The following NAV1 variants were observed in gnomAD, a reference collection of about 807,000 sequenced individuals.
NAV1 encodes pore membrane and/or filament interacting like protein 3.
Under a neutral mutation model 175.2 loss-of-function variants are expected in NAV1, and 18 were observed. The ratio of observed to expected loss-of-function variants is 0.10; its 90% CI spans 0.07 to 0.15. The LOEUF is 0.15. Among genes scored for constraint, NAV1 ranks in the 10% least tolerant of loss-of-function variants. The pLI is 1.00. For missense variants in NAV1, 1,731 were observed against 2,436.6 expected, an observed-to-expected ratio of 0.71 and a Z score of 6.10; for synonymous variants, 897 against 978.7, an observed-to-expected ratio of 0.92 and a Z score of 1.56.
chr1:201,648,491 CT>C (rs1669059258), exon 1 of NAV1: 1 of 1,234,128 alleles, frequency 8.1e-7, no homozygotes, highest in East Asian at 3.2e-5. Context: ...GCGCCCTCGG[CT>C]TGCCTCTCTC....
chr1:201,648,963 G>A (rs1357771974), exon 1 of NAV1: 3 of 1,613,188 alleles, frequency 1.9e-6, no homozygotes, highest in Non-Finnish European at 2.5e-6. Flanking sequence ...TTTTCTCACG[G>A]ACTCCGAGAA....
intron 3 of NAV1, chr1:201,723,743 G>A (rs239967): frequency 0.4 from 61,572 of 152,046 alleles, 13,353 homozygotes; most frequent in Middle Eastern, 0.53. Context: ...TCCTTGGCTT[G>A]CATAGGCACA....
intron 1 of NAV1, among the ~76,000 whole-genome samples, chr1:201,672,552 T>C (rs1306331807): frequency 6.6e-6 from 1 of 152,198 alleles, no homozygotes; most frequent in Non-Finnish European, 1.5e-5. Context: ...GAGGTAGATG[T>C]TATTGTGATC....
intron 3 of NAV1, among the ~76,000 whole-genome samples, chr1:201,725,142 C>T (rs1197530414): frequency 6.6e-6 from 1 of 152,208 alleles, no homozygotes; most frequent in Admixed American, 6.5e-5. Context: ...CCCAGCCACC[C>T]TCATCGATAA....
chr1:201,558,333 G>A lies in NAV1; in HGVS notation c.-144+18991G>A, dbSNP rs150429145. Among the ~76,000 whole-genome samples, 530 of 152,324 alleles carry A rather than the reference G, an allele frequency of 3.5e-3. 1 individual carries two copies. The highest frequency in any genetic ancestry group is 0.011 in the African/African-American group (466 of 41,566). On this transcript the variant is annotated intron_variant, in intron 1 of 33. Transcript: ENST00000685211. ...GAAGAGTAGGCAGTGATTTTTCGGG[G>A]AAATGAATGAGCCCAGTGCTCAGAT...
intron 1 of NAV1, among the ~76,000 whole-genome samples, chr1:201,578,055 A>AT (rs531546902): frequency 1.3e-5 from 2 of 151,922 alleles, no homozygotes; most frequent in Non-Finnish European, 2.9e-5. Flanking sequence ...GTTTTCAACT[A>AT]TTTTTTCTTG....
chr1:201,685,096 A>G (rs1455091259), intron 1 of NAV1, among the ~76,000 whole-genome samples: 1 of 151,628 alleles, frequency 6.6e-6, no homozygotes, highest in Non-Finnish European at 1.5e-5. Context: ...ACATGGTGAA[A>G]CTCCATATCT....
chr1:201,703,080 C>A (rs565792714), intron 1 of NAV1, among the ~76,000 whole-genome samples: 1 of 152,350 alleles, frequency 6.6e-6, no homozygotes, highest in South Asian at 2.1e-4. Context: ...TCCCCACTCC[C>A]GTCCCCATTT....
chr1:201,812,803 C>G lies in NAV1; in HGVS notation c.5221+142C>G. The G allele has an allele frequency of 1.4e-6, 1 of 712,230 alleles. No homozygotes were observed. Among genetic ancestry groups the G allele is most frequent in the Non-Finnish European group, 2.3e-6 (1 of 428,498 alleles). The allele number at this position is 712,230 out of a possible 1,614,324, so 44.1% of individuals were successfully genotyped here. The stretch of plus-strand genomic sequence containing the variant: ...CCTTGTGGCTTCAGACTTAGAACCA[C>G]TTAACGAGCCTTCCCAACACAGTTA... On this transcript the variant is annotated intron_variant, in intron 27 of 29. Coordinates refer to ENST00000367296, the Ensembl canonical transcript of NAV1. This position sits in a 1 kb window ranked among gnomAD's most constrained non-coding sequence, Gnocchi z 4.6.
chr1:201,647,119 T>G (rs1189532686), upstream of NAV1, among the ~76,000 whole-genome samples: 1 of 152,212 alleles, frequency 6.6e-6, no homozygotes, highest in African/African-American at 2.4e-5. Context: ...CAAGCTTTGC[T>G]TTCAGAGAAT....
chr1:201,577,799 C>A (rs1666736180), intron 1 of NAV1, among the ~76,000 whole-genome samples: 1 of 152,058 alleles, frequency 6.6e-6, no homozygotes, highest in Non-Finnish European at 1.5e-5. Context: ...TTTATTTTCC[C>A]CCCAGCACTT....
At chr1:201,789,746 G>A (rs1676986605) in exon 11 of NAV1, 1 of 1,614,062 alleles carries the variant, frequency 6.2e-7, no homozygotes, top group Non-Finnish European at 8.5e-7. Flanking sequence ...TCAGTTCACG[G>A]CTCAGTGCTG....
intron 2 of NAV1, among the ~76,000 whole-genome samples, chr1:201,637,326 A>G (rs1321717887): frequency 6.6e-6 from 1 of 152,228 alleles, no homozygotes; most frequent in Admixed American, 6.5e-5. Context: ...CTCTTTAAGA[A>G]TTTGACTGAT....
intron 3 of NAV1, among the ~76,000 whole-genome samples, chr1:201,722,958 A>G (rs189247036): frequency 1.4e-4 from 22 of 152,222 alleles, no homozygotes; most frequent in Middle Eastern, 3.2e-3. Flanking sequence ...CCAAAACTAC[A>G]AAAACTAGCT....
rs565231776 is a variant in NAV1 at position 201,815,989 on chromosome 1, C to T, written c.5341-1099C>T. 5.8e-3 allele frequency among the ~76,000 whole-genome samples: 889 copies of T among 152,222 alleles called. 10 individuals are homozygous for T. The highest frequency in any genetic ancestry group is 7.5e-3 in the Non-Finnish European group (513 of 67,978). Reference sequence around the variant, plus strand: ...CCAGCCTCAGGCGATCTTCCCACCTCGGCCTCCCAAAGTGCTGGGATTATA... The same window carrying T: ...CCAGCCTCAGGCGATCTTCCCACCTTGGCCTCCCAAAGTGCTGGGATTATA... On this transcript the variant is annotated intron_variant, in intron 28 of 29. Coordinates refer to ENST00000367296, the Ensembl canonical transcript of NAV1.
chr1:201,663,275 T>C (rs2102360521), intron 1 of NAV1, among the ~76,000 whole-genome samples: 1 of 152,216 alleles, frequency 6.6e-6, no homozygotes, highest in East Asian at 1.9e-4. Context: ...GAAAAGAAAA[T>C]AGAAGAAATA....
At chr1:201,814,836 G>A (rs1361584753) in intron 28 of NAV1, among the ~76,000 whole-genome samples, 1 of 151,908 alleles carries the variant, frequency 6.6e-6, no homozygotes, top group African/African-American at 2.4e-5. Context: ...TCAGGAGATC[G>A]AGACCGTCGT....
intron 13 of NAV1, 75 bp from the exon 18 acceptor site, chr1:201,793,717 C>T: frequency 7.7e-7 from 1 of 1,297,694 alleles, no homozygotes; most frequent in South Asian, 1.3e-5. Context: ...TCAGTTAAAA[C>T]TATTTCCCAT....
chr1:201,753,047 T>C (rs1303638047), intron 3 of NAV1, among the ~76,000 whole-genome samples: 4 of 152,110 alleles, frequency 2.6e-5, no homozygotes, highest in Non-Finnish European at 5.9e-5. Context: ...TTGTATAGTA[T>C]CTCAGCTCTG....
Sources: gnomAD v4.1 joint callset for allele counts (sites outside exome capture counted in the v4.1 genomes callset) on GRCh38, gnomAD v4.1.1 for gene constraint, Gnocchi (gnomAD v3.1) non-coding constraint, MANE v1.5 for transcripts, NCBI Gene and HGNC (gene_info 2026-07-23, HGNC 2026-07-21) for gene names.